BCAS3: variants seen among roughly 807,000 people sequenced by gnomAD.
BCAS3 encodes the protein BCAS4/BCAS3 fusion.
A neutral mutation model predicts 116.1 loss-of-function variants in BCAS3; 53 were observed. The observed-to-expected ratio is 0.46, with a 90% CI of 0.37 to 0.57. The LOEUF is 0.57. Ranked by LOEUF, BCAS3 falls within the 20% of genes least tolerant of loss-of-function variation. BCAS3 has a pLI of 0.00. For missense variants in BCAS3, 917 were observed against 1,165.4 expected, an observed-to-expected ratio of 0.79 and a Z score of 3.10; for synonymous variants, 391 against 408.2, an observed-to-expected ratio of 0.96 and a Z score of 0.51.
intron 22 of BCAS3, among the ~76,000 whole-genome samples, chr17:61,108,073 G>T (rs899712888): frequency 1.3e-5 from 2 of 152,224 alleles, no homozygotes; most frequent in South Asian, 2.1e-4. Flanking sequence ...TTCCGTCAGG[G>T]TTTGCTTCAT....
chr17:61,067,040 A>T (rs369121085), intron 19 of BCAS3, among the ~76,000 whole-genome samples: 1 of 151,610 alleles, frequency 6.6e-6, no homozygotes, highest in Admixed American at 6.6e-5. Flanking sequence ...GATAAATACC[A>T]TATTTTCTGT....
chr17:60,888,224 A>G (rs2056870234), intron 9 of BCAS3, among the ~76,000 whole-genome samples: 1 of 152,216 alleles, frequency 6.6e-6, no homozygotes, highest in South Asian at 2.1e-4. Flanking sequence ...TACGGACTCA[A>G]AAAATGAAAT....
intron 22 of BCAS3, among the ~76,000 whole-genome samples, chr17:61,322,019 C>T (rs1330383798): frequency 7.2e-5 from 11 of 152,038 alleles, no homozygotes; most frequent in East Asian, 1.9e-4. Flanking sequence ...CCGCAACTTC[C>T]GCCTCCCAGG....
At chr17:61,059,452 T>C (rs1042919843) in intron 19 of BCAS3, among the ~76,000 whole-genome samples, 3 of 152,104 alleles carry the variant, frequency 2.0e-5, no homozygotes, top group African/African-American at 7.2e-5. Context: ...TATGAGATAA[T>C]TGATCCAAAA....
At chr17:60,794,042 C>T (rs2047004256) in intron 6 of BCAS3, among the ~76,000 whole-genome samples, 1 of 152,164 alleles carries the variant, frequency 6.6e-6, no homozygotes, top group Non-Finnish European at 1.5e-5. Context: ...GAAGTGTTCC[C>T]TGATCGCCGC....
At chr17:60,865,661 A>G (rs1261053789) in intron 7 of BCAS3, among the ~76,000 whole-genome samples, 1 of 152,100 alleles carries the variant, frequency 6.6e-6, no homozygotes, top group Admixed American at 6.6e-5. Context: ...ATTCTTTGGG[A>G]TTTTTTATGT....
chr17:60,909,106 A>G (rs1469845552), intron 11 of BCAS3, among the ~76,000 whole-genome samples: 1 of 152,196 alleles, frequency 6.6e-6, no homozygotes, highest in Non-Finnish European at 1.5e-5. Context: ...AAATCTATCA[A>G]CATAGTTTAT....
intron 7 of BCAS3, among the ~76,000 whole-genome samples, chr17:60,852,898 A>G (rs1170269960): frequency 6.6e-6 from 1 of 152,224 alleles, no homozygotes; most frequent in Admixed American, 6.5e-5. Context: ...GTTTCTTACA[A>G]AACTTAACAT....
At chr17:61,096,308 T>C (rs1000518735) in intron 22 of BCAS3, among the ~76,000 whole-genome samples, 1 of 152,216 alleles carries the variant, frequency 6.6e-6, no homozygotes, top group Non-Finnish European at 1.5e-5. Context: ...CAGTTTTCTT[T>C]ACAGCATATA....
chr17:60,840,371 T>G (rs1025303294), intron 7 of BCAS3, among the ~76,000 whole-genome samples: 1 of 152,186 alleles, frequency 6.6e-6, no homozygotes, highest in Non-Finnish European at 1.5e-5. Context: ...TTATAATTTT[T>G]AAAAAGCTGA....
chr17:61,116,906 C>G (rs1019395670), intron 22 of BCAS3, among the ~76,000 whole-genome samples: 2 of 152,136 alleles, frequency 1.3e-5, no homozygotes, highest in Non-Finnish European at 2.9e-5. Context: ...TCTCTCACTG[C>G]TTTCAAGATT....
chr17:60,996,596 ACCT>A (rs1363910095), intron 15 of BCAS3, among the ~76,000 whole-genome samples: 1 of 151,966 alleles, frequency 6.6e-6, no homozygotes, highest in Admixed American at 6.6e-5. Flanking sequence ...TGTCTTTTTG[ACCT>A]CCTACTGATG....
intron 7 of BCAS3, among the ~76,000 whole-genome samples, chr17:60,863,643 A>G (rs2054345377): frequency 6.6e-6 from 1 of 152,102 alleles, no homozygotes; most frequent in African/African-American, 2.4e-5. Context: ...AGCCCCAGCT[A>G]CTCAGGATGC....
intron 20 of BCAS3, 115 bp from the exon 21 acceptor site, chr17:61,078,218 A>G (rs2072214008): frequency 1.3e-6 from 1 of 780,986 alleles, no homozygotes; most frequent in Non-Finnish European, 2.1e-6. Context: ...TCCCTTTGCC[A>G]CTTTAACATG....
chr17:60,842,577 C>T (rs2052048918), intron 7 of BCAS3, among the ~76,000 whole-genome samples: 1 of 152,016 alleles, frequency 6.6e-6, no homozygotes, highest in African/African-American at 2.4e-5. Flanking sequence ...ATTCTGCATA[C>T]TCTACGGGAC....
In BCAS3 at chr17:60,961,011, G is replaced by A. The variant is rs2061387124; in HGVS notation, c.1221+13659G>A. Reference sequence around the variant, plus strand: ...TGCCTGATGTCTTCAGCAGAATGTTGTCAAGCTATACTCCTGGCCTTCAGA... The same window carrying A: ...TGCCTGATGTCTTCAGCAGAATGTTATCAAGCTATACTCCTGGCCTTCAGA... On this transcript the variant is annotated intron_variant, in intron 14 of 23. Coordinates refer to ENST00000407086, the MANE Select transcript of BCAS3 (RefSeq NM_017679.5). The surrounding 1 kb of genome is among the most constrained non-coding windows in gnomAD (Gnocchi z 4.8). Among the ~76,000 whole-genome samples the A allele has an allele frequency of 6.6e-6, 1 of 151,920 alleles. No homozygotes were observed. The highest frequency in any genetic ancestry group is 2.4e-5 in the African/African-American group (1 of 41,382).
At chr17:61,052,783 C>G (rs555402560) in intron 19 of BCAS3, among the ~76,000 whole-genome samples, 1 of 147,564 alleles carries the variant, frequency 6.8e-6, no homozygotes, top group East Asian at 2.0e-4. Context: ...TAGTGGCACG[C>G]TCTTGGCTCA....
At position 61,323,276 on chromosome 17, in the gene BCAS3, G is replaced by A. The variant is rs1027837011; in HGVS notation, c.2426-45051G>A. ...AGGGGGAAGGACTCATTTATAACCC[G>A]TTCTGATTATTCTTCTCCTCTGAAA... On this transcript the variant is annotated intron_variant, in intron 22 of 23. Coordinates refer to ENST00000407086, the MANE Select transcript of BCAS3 (RefSeq NM_017679.5). This position sits in a 1 kb window ranked among gnomAD's most constrained non-coding sequence, Gnocchi z 4.6. Among the ~76,000 whole-genome samples the A allele has an allele frequency of 6.6e-6, 1 of 152,130 alleles. No individual in the cohort carries two copies. The highest frequency in any genetic ancestry group is 6.5e-5 in the Admixed American group (1 of 15,272).
intron 22 of BCAS3, among the ~76,000 whole-genome samples, chr17:61,116,241 T>TAAA (rs1394617446): frequency 1.9e-4 from 14 of 73,042 alleles, no homozygotes; most frequent in African/African-American, 5.8e-4. Context: ...TAAAGTATAA[T>TAAA]AAAAAAATAA....
Sources: allele counts gnomAD v4.1 joint callset (sites outside exome capture counted in the v4.1 genomes callset), GRCh38; gene constraint gnomAD v4.1.1; non-coding constraint Gnocchi (gnomAD v3.1); transcripts MANE v1.5; gene names NCBI Gene and HGNC (gene_info 2026-07-23, HGNC 2026-07-21).